The following STK17A variants were observed in gnomAD, a reference collection of about 807,000 sequenced individuals.
STK17A encodes serine/threonine kinase 17a.
A neutral mutation model predicts 43.7 loss-of-function variants in STK17A; 26 were observed. The ratio of observed to expected loss-of-function variants is 0.60; its 90% CI spans 0.44 to 0.83. The LOEUF (loss-of-function observed/expected upper bound fraction) is 0.83, where lower values mean the gene tolerates loss of function less well. STK17A is among the 40% of genes least tolerant of loss of function. The pLI is 0.00. For synonymous variants in STK17A, 191 were observed against 182.5 expected (o/e 1.05, Z -0.38); for missense variants, 476 against 511.6 (o/e 0.93, Z 0.67).
At chr7:43,587,838 A>G (rs999519043) in intron 1 of STK17A, among the ~76,000 whole-genome samples, 3 of 151,668 alleles carry the variant, frequency 2.0e-5, no homozygotes, top group South Asian at 2.1e-4. Context: ...TGGTTCAACA[A>G]TAAAGTTACT....
At chr7:43,623,515 G>C in intron 4 of STK17A, 57 bp from the exon 5 acceptor site, 1 of 1,493,362 alleles carries the variant, frequency 6.7e-7, no homozygotes, top group South Asian at 1.2e-5. Context: ...ATCTCTTAGA[G>C]CAAATTAGGA....
chr7:43,624,236 C>T (rs2084243761), intron 6 of STK17A, among the ~76,000 whole-genome samples: 2 of 152,116 alleles, frequency 1.3e-5, no homozygotes, highest in Admixed American at 1.3e-4. Flanking sequence ...AGTGAAATGA[C>T]AGCTAATCTC....
At position 43,586,966 on chromosome 7, in the gene STK17A, A is replaced by G. The variant is rs1037946949; in HGVS notation, c.206+3517A>G. 2.0e-5 allele frequency among the ~76,000 whole-genome samples: 3 copies of G among 151,104 alleles called. No homozygotes were observed. The East Asian group carries it at 5.8e-4, about 29-fold the overall frequency. ...ACCACAAGCCTGTTTGGAAAGCCCCATTTTTCAGATGAGAAAACAAAGACA... is the reference window on the plus strand; with the variant it reads ...ACCACAAGCCTGTTTGGAAAGCCCCGTTTTTCAGATGAGAAAACAAAGACA... On this transcript the variant is annotated intron_variant, in intron 1 of 6. Transcript: ENST00000319357.
At chr7:43,622,364 G>T (rs904972569) in intron 4 of STK17A, 2 of 152,036 alleles carry the variant, frequency 1.3e-5, no homozygotes, top group African/African-American at 4.8e-5. Flanking sequence ...TTATTCTATG[G>T]GGGTTTGTCA....
At chr7:43,610,143 G>A (rs952426089) in intron 3 of STK17A, among the ~76,000 whole-genome samples, 12 of 151,208 alleles carry the variant, frequency 7.9e-5, no homozygotes, top group East Asian at 2.0e-4. Flanking sequence ...TCAGGAGATC[G>A]AGACCATCCT....
At chr7:43,595,793 A>G (rs1170821236) in intron 1 of STK17A, 108 bp from the exon 2 acceptor site, 2 of 950,374 alleles carry the variant, frequency 2.1e-6, no homozygotes, top group African/African-American at 1.7e-5. Flanking sequence ...GTGATTGTAT[A>G]TAAGCTAAAT....
At chr7:43,623,452 A>AT in intron 4 of STK17A, 120 bp from the exon 5 acceptor site, 1 of 769,596 alleles carries the variant, frequency 1.3e-6, no homozygotes, top group Non-Finnish European at 2.1e-6. Flanking sequence ...GTAACCTTTC[A>AT]TTTTAGCCCA....
At chr7:43,615,627 G>A (rs2083276370) in intron 3 of STK17A, among the ~76,000 whole-genome samples, 1 of 152,098 alleles carries the variant, frequency 6.6e-6, no homozygotes, top group Non-Finnish European at 1.5e-5. Context: ...CCTGCCTTCT[G>A]CCATTTACTC....
intron 4 of STK17A, 125 bp from the exon 5 acceptor site, chr7:43,623,447 C>A: frequency 1.4e-6 from 1 of 735,102 alleles, no homozygotes; most frequent in South Asian, 1.6e-5. Context: ...TTATGGTAAC[C>A]TTTCATTTTA....
chr7:43,586,025 G>A (rs1295836483), intron 1 of STK17A, among the ~76,000 whole-genome samples: 1 of 151,548 alleles, frequency 6.6e-6, no homozygotes, highest in Admixed American at 6.6e-5. Flanking sequence ...ACATAGCTAA[G>A]TGTGTCTCTG....
At chr7:43,596,616 C>T (rs565362034) in intron 2 of STK17A, among the ~76,000 whole-genome samples, 9 of 152,256 alleles carry the variant, frequency 5.9e-5, no homozygotes, top group South Asian at 4.1e-4. Flanking sequence ...CCTGTAATCC[C>T]GGCACTTTGA....
intron 2 of STK17A, among the ~76,000 whole-genome samples, chr7:43,599,288 GTTC>G (rs1344432333): frequency 6.6e-6 from 1 of 152,226 alleles, no homozygotes; most frequent in Non-Finnish European, 1.5e-5. Flanking sequence ...GCAGGAAAGA[GTTC>G]TTAGATTTTT....
intron 2 of STK17A, among the ~76,000 whole-genome samples, chr7:43,606,324 AGT>A (rs2082588162): frequency 6.6e-6 from 1 of 152,210 alleles, no homozygotes; most frequent in Non-Finnish European, 1.5e-5. Context: ...TAGAAAAAAC[AGT>A]GTTTGGTTTG....
chr7:43,617,864 G>A (rs1455149041), intron 3 of STK17A, among the ~76,000 whole-genome samples: 1 of 152,206 alleles, frequency 6.6e-6, no homozygotes, highest in African/African-American at 2.4e-5. Flanking sequence ...CATCAGAGGA[G>A]ATGGAAGACA....
At chr7:43,601,293 GAAAT>G (rs2082552780) in intron 2 of STK17A, among the ~76,000 whole-genome samples, 1 of 152,124 alleles carries the variant, frequency 6.6e-6, no homozygotes. Flanking sequence ...CCCTTCTAAA[GAAAT>G]AATACGAACA....
rs771565115 is a variant in STK17A at position 43,595,999 on chromosome 7, G to A, written c.305G>A (p.Arg102Gln). 111 of 1,613,752 alleles carry A rather than the reference G, an allele frequency of 6.9e-5. No individual in the cohort carries two copies. Among genetic ancestry groups the A allele is most frequent in the South Asian group, 3.8e-4 (35 of 91,078 alleles). ...AAAAGAAGAAAAGGCCAAGATTGTC[G>A]GATGGAAATAATTCATGAGATTGCT... ...MRKRRKGQDCRMEIIHEIAVL... is the reference protein window; with the variant it reads ...MRKRRKGQDCQMEIIHEIAVL... Residue 102 changes from arginine to glutamine, a missense_variant, in exon 2 of 7, where the codon CGG becomes CAG. By Grantham distance (43) the Arg-to-Gln change is conservative. This residue lies in a region of STK17A where 320 missense variants were observed against 326.3 expected (regional missense o/e 0.98). Coordinates refer to ENST00000319357, the MANE Select transcript of STK17A (RefSeq NM_004760.3).
rs1331320219 is a variant in STK17A, at chr7:43,626,021, A to G, written c.*1179A>G. ...ATCTATGCCCCACAGTGACCAGTAA[A>G]GTCCAATTAAAATATGGAAATGTAA... On this transcript the variant is annotated 3_prime_UTR_variant, in exon 7 of 7. Coordinates refer to ENST00000319357, the MANE Select transcript of STK17A (RefSeq NM_004760.3). 6.6e-6 allele frequency: 1 copy of G among 152,232 alleles called. No individual in the cohort carries two copies. Among genetic ancestry groups the G allele is most frequent in the Non-Finnish European group, 1.5e-5 (1 of 68,036 alleles). The allele number at this position is 152,232 out of a possible 1,614,324, so 9.4% of individuals were successfully genotyped here.
At chr7:43,608,676 G>A in intron 3 of STK17A, 1 of 248,516 alleles carries the variant, frequency 4.0e-6, no homozygotes, top group Non-Finnish European at 7.6e-6. Context: ...TGAAAAGTTA[G>A]GATTTAGATA....
At chr7:43,605,464 C>T (rs2082582529) in intron 2 of STK17A, among the ~76,000 whole-genome samples, 1 of 152,124 alleles carries the variant, frequency 6.6e-6, no homozygotes, top group Admixed American at 6.5e-5. Context: ...ATGTCTTACC[C>T]TTGTTCTTTG....
Sources: allele counts gnomAD v4.1 joint callset (sites outside exome capture counted in the v4.1 genomes callset), GRCh38; gene constraint gnomAD v4.1.1; regional missense constraint gnomAD v4.1.1; transcripts MANE v1.5; gene names NCBI Gene and HGNC (gene_info 2026-07-23, HGNC 2026-07-21).